UNC5C: variants seen among roughly 807,000 people sequenced by gnomAD.
UNC5C encodes netrin receptor UNC5C.
Under a neutral mutation model 99.8 loss-of-function variants are expected in UNC5C, and 47 were observed. The ratio of observed to expected loss-of-function variants is 0.47; its 90% CI spans 0.37 to 0.60. The LOEUF (loss-of-function observed/expected upper bound fraction) is 0.60, where lower values mean the gene tolerates loss of function less well. UNC5C is among the 20% of genes least tolerant of loss of function. The pLI is 0.00. For synonymous variants in UNC5C, 487 were observed against 452.2 expected (o/e 1.08, Z -0.98); for missense variants, 1,062 against 1,165.9 (o/e 0.91, Z 1.30).
At chr4:95,241,367 C>T (rs978612524) in intron 7 of UNC5C, among the ~76,000 whole-genome samples, 10 of 152,132 alleles carry the variant, frequency 6.6e-5, no homozygotes, top group African/African-American at 2.2e-4. Flanking sequence ...GTGTGAGCAA[C>T]ATAATTGTTT....
At chr4:95,412,050 T>A (rs1472870337) in intron 1 of UNC5C, among the ~76,000 whole-genome samples, 1 of 152,004 alleles carries the variant, frequency 6.6e-6, no homozygotes, top group Non-Finnish European at 1.5e-5. Context: ...CTGACCTATT[T>A]CTTTACAATA....
intron 10 of UNC5C, among the ~76,000 whole-genome samples, chr4:95,214,522 A>G (rs1392523149): frequency 6.6e-6 from 1 of 152,238 alleles, no homozygotes; most frequent in African/African-American, 2.4e-5. Context: ...ATGTACAATT[A>G]TCCTGGTTCG....
intron 1 of UNC5C, among the ~76,000 whole-genome samples, chr4:95,440,833 T>C (rs1746929276): frequency 6.6e-6 from 1 of 152,202 alleles, no homozygotes; most frequent in Admixed American, 6.5e-5. Context: ...CTTTAATAAA[T>C]AATACTTAAC....
chr4:95,213,099 G>A (rs1282295891), intron 10 of UNC5C, among the ~76,000 whole-genome samples: 1 of 152,146 alleles, frequency 6.6e-6, no homozygotes, highest in East Asian at 1.9e-4. Context: ...ACTTTCCATG[G>A]CTCCCTGCGG....
At chr4:95,216,240 T>C in intron 9 of UNC5C, 29 bp from the exon 10 acceptor site, 2 of 1,585,516 alleles carry the variant, frequency 1.3e-6, no homozygotes, top group South Asian at 2.2e-5. Flanking sequence ...AAGCAGTCAT[T>C]TAAGACTTTT....
intron 1 of UNC5C, among the ~76,000 whole-genome samples, chr4:95,475,269 A>G (rs1748106895): frequency 6.6e-6 from 1 of 152,030 alleles, no homozygotes; most frequent in African/African-American, 2.4e-5. Context: ...CACATTATTG[A>G]AGGGAACATG....
intron 1 of UNC5C, among the ~76,000 whole-genome samples, chr4:95,358,954 A>T (rs80356349): frequency 6.6e-6 from 1 of 152,324 alleles, no homozygotes; most frequent in East Asian, 1.9e-4. Context: ...ATAAATAAAA[A>T]GTTCCAAGGA....
Position 95,197,915 on chromosome 4 carries a change from A to C in UNC5C, c.2136+4816T>G, listed in dbSNP as rs574963572. On this transcript the variant is annotated intron_variant, in intron 12 of 15. Transcript: ENST00000453304. ...CAGTGTGGAAGCGAGTTTGCTGCCC[A>C]TACGGGTAAGACCAGGGGAGGGTTT... Among the ~76,000 whole-genome samples, 3 of 151,742 alleles carry C rather than the reference A, an allele frequency of 2.0e-5. No homozygotes were observed. The East Asian group carries it at 5.8e-4, about 29-fold the overall frequency.
chr4:95,331,061 G>A (rs1743091842), intron 2 of UNC5C, among the ~76,000 whole-genome samples: 4 of 151,996 alleles, frequency 2.6e-5, no homozygotes, highest in African/African-American at 9.7e-5. Flanking sequence ...AGAATATGTG[G>A]CATTTATTAA....
intron 1 of UNC5C, among the ~76,000 whole-genome samples, chr4:95,434,028 G>C (rs1262992564): frequency 1.3e-5 from 2 of 151,970 alleles, no homozygotes; most frequent in African/African-American, 4.8e-5. Context: ...TGTCTTCCCA[G>C]TTATGCTCTA....
At chr4:95,328,062 A>ATTTTT (rs71583698) in intron 2 of UNC5C, among the ~76,000 whole-genome samples, 41 of 86,674 alleles carry the variant, frequency 4.7e-4, no homozygotes, top group Admixed American at 7.8e-4. Context: ...TTTTTTTTTA[A>ATTTTT]TTTTTTTTTT....
chr4:95,363,361 C>T (rs978293160), intron 1 of UNC5C, among the ~76,000 whole-genome samples: 3 of 152,070 alleles, frequency 2.0e-5, no homozygotes, highest in Non-Finnish European at 2.9e-5. Context: ...CAGAGGTCTT[C>T]GGGCAGTGGG....
At chr4:95,511,249 T>C (rs1209359884) in intron 1 of UNC5C, among the ~76,000 whole-genome samples, 1 of 151,942 alleles carries the variant, frequency 6.6e-6, no homozygotes, top group Non-Finnish European at 1.5e-5. Context: ...TAGCAACACT[T>C]GCATATTTTT....
At chr4:95,373,648 C>G (rs1047720587) in intron 1 of UNC5C, among the ~76,000 whole-genome samples, 1 of 152,174 alleles carries the variant, frequency 6.6e-6, no homozygotes, top group Non-Finnish European at 1.5e-5. Flanking sequence ...AGCACAGCAA[C>G]TGGCACAAGG....
chr4:95,215,287 A>G (rs1477553071), intron 10 of UNC5C, among the ~76,000 whole-genome samples: 2 of 152,258 alleles, frequency 1.3e-5, no homozygotes, highest in Non-Finnish European at 2.9e-5. Flanking sequence ...CCCCTTGGGA[A>G]AAACAATGAT....
intron 7 of UNC5C, among the ~76,000 whole-genome samples, chr4:95,228,149 G>A (rs1738764033): frequency 6.6e-6 from 1 of 152,170 alleles, no homozygotes; most frequent in Non-Finnish European, 1.5e-5. Flanking sequence ...AATGTAGCCT[G>A]TCTGGTGGGT....
Position 95,354,468 on chromosome 4 carries a change from C to CATATATATATATATAT in UNC5C, c.125-18838_125-18837insATATATATATATATAT, listed in dbSNP as rs1553965986. ...TCTATCGTATTTTACCTAACTCTTC[C>CATATATATATATATAT]ATATATATATATTTTTTTTTTTTTT... On this transcript the variant is annotated intron_variant, in intron 1 of 15. Transcript: ENST00000453304. Among the ~76,000 whole-genome samples the CATATATATATATATAT allele has an allele frequency of 3.5e-4, 34 of 98,216 alleles. 1 individual carries two copies. Among genetic ancestry groups the CATATATATATATATAT allele is most frequent in the African/African-American group, 1.1e-3 (17 of 15,872 alleles). The allele number at this position is 98,216 out of a possible 152,430, so 64.4% of individuals were successfully genotyped here. A position where few individuals can be genotyped will look rare whatever the true frequency, so the allele number is the denominator to read the frequency against.
chr4:95,479,312 T>C (rs1438101314), intron 1 of UNC5C, among the ~76,000 whole-genome samples: 1 of 152,008 alleles, frequency 6.6e-6, no homozygotes, highest in African/African-American at 2.4e-5. Context: ...GATTAAAAAC[T>C]GTGATCACCG....
intron 2 of UNC5C, among the ~76,000 whole-genome samples, chr4:95,333,605 A>G (rs1215159195): frequency 1.3e-5 from 2 of 152,042 alleles, no homozygotes; most frequent in Middle Eastern, 3.4e-3. Flanking sequence ...TAGCATTAGG[A>G]GATATACCTA....
Sources: allele counts gnomAD v4.1 joint callset (sites outside exome capture counted in the v4.1 genomes callset), GRCh38; gene constraint gnomAD v4.1.1; transcripts MANE v1.5; gene names NCBI Gene and HGNC (gene_info 2026-07-23, HGNC 2026-07-21).